The following CTNNA2 variants were observed in gnomAD, a reference collection of about 807,000 sequenced individuals.
The protein encoded by CTNNA2 is catenin alpha 2, also known as catenin alpha-2.
CTNNA2 carries 42 observed loss-of-function variants against 101.0 expected under a neutral mutation model. That is an observed-to-expected ratio of 0.42 (90% CI 0.32 to 0.54). CTNNA2 has a LOEUF of 0.54. CTNNA2 is among the 20% of genes least tolerant of loss of function. The pLI, the probability that CTNNA2 is intolerant of heterozygous loss-of-function variation, is 0.14. For missense variants in CTNNA2, 871 were observed against 1,223.1 expected, an observed-to-expected ratio of 0.71 and a Z score of 4.29; for synonymous variants, 450 against 456.4, an observed-to-expected ratio of 0.99 and a Z score of 0.18.
intron 7 of CTNNA2, among the ~76,000 whole-genome samples, chr2:80,312,895 A>G (rs529985145): frequency 6.6e-6 from 1 of 152,314 alleles, no homozygotes; most frequent in African/African-American, 2.4e-5. Flanking sequence ...AGACATGAGA[A>G]TTGCCACATA....
intron 11 of CTNNA2, among the ~76,000 whole-genome samples, chr2:80,546,331 G>A (rs1047179632): frequency 3.3e-5 from 5 of 152,164 alleles, no homozygotes; most frequent in African/African-American, 4.8e-5. Context: ...AGTTTATAAA[G>A]CAGGATGGCC....
Position 79,858,162 on chromosome 2 carries a change from T to C in CTNNA2, c.448T>C (p.Leu150=). ...LADMADVMRL[L]SHLKIVEEAL... ...GGACATGGCAGATGTCATGAGACTT[T>C]TATCCCATCTGAAAATTGTACGTAT... The change falls in exon 4 of 19, where the codon TTA becomes CTA. Residue 150 remains leucine (L), a synonymous_variant. Transcript: ENST00000402739. 6.2e-7 allele frequency: 1 copy of C among 1,612,238 alleles called. No individual in the cohort carries two copies. The highest frequency in any genetic ancestry group is 2.2e-5 in the East Asian group (1 of 44,790).
chr2:80,619,012 A>C, intron 17 of CTNNA2, 73 bp from the exon 18 acceptor site: 1 of 1,073,296 alleles, frequency 9.3e-7, no homozygotes, highest in African/African-American at 1.7e-5. Context: ...ATCCCTTCCC[A>C]AGTAGGGTAC....
At position 80,033,193 on chromosome 2, in the gene CTNNA2, AC is replaced by A. The variant is rs1292811398; in HGVS notation, c.1056+123397del. ...AAACACACAAAAACCCCCCAAAAAAACAACAACACAAAAACACATTAGCAAA... is the reference window on the plus strand; with the variant it reads ...AAACACACAAAAACCCCCCAAAAAAAAACAACACAAAAACACATTAGCAAA... On this transcript the variant is annotated intron_variant, in intron 7 of 18. Transcript: ENST00000402739. Among the ~76,000 whole-genome samples, 174 of 151,890 alleles carry A rather than the reference AC, an allele frequency of 1.1e-3. 1 individual carries two copies. Among genetic ancestry groups the A allele is most frequent in the African/African-American group, 4.0e-3 (165 of 41,414 alleles).
At chr2:80,276,881 A>G (rs909014728) in intron 7 of CTNNA2, among the ~76,000 whole-genome samples, 4 of 152,152 alleles carry the variant, frequency 2.6e-5, no homozygotes, top group African/African-American at 9.7e-5. Context: ...TAGAGAGGAC[A>G]AATATCCAAA....
In CTNNA2 at chr2:80,148,326, A is replaced by G. The variant is rs573906224; in HGVS notation, c.1056+238529A>G. Among the ~76,000 whole-genome samples the G allele has an allele frequency of 5.3e-5, 8 of 152,374 alleles. No individual in the cohort carries two copies. In the East Asian group the frequency reaches 1.5e-3, roughly 29 times the overall value. On this transcript the variant is annotated intron_variant, in intron 7 of 18. Coordinates refer to ENST00000402739, the MANE Select transcript of CTNNA2 (RefSeq NM_001282597.3). ...GCTGAGTACAGGGAAGTTGGGAAACATCATGTGAAAGACAAGGAACTGGAT... is the reference window on the plus strand; with the variant it reads ...GCTGAGTACAGGGAAGTTGGGAAACGTCATGTGAAAGACAAGGAACTGGAT...
intron 7 of CTNNA2, among the ~76,000 whole-genome samples, chr2:80,092,519 T>C (rs1699850998): frequency 6.6e-6 from 1 of 152,098 alleles, no homozygotes; most frequent in African/African-American, 2.4e-5. Context: ...GGTAAGAAAC[T>C]GGCAAGGTGT....
At chr2:79,837,860 T>C (rs1679507594) in intron 3 of CTNNA2, among the ~76,000 whole-genome samples, 1 of 152,196 alleles carries the variant, frequency 6.6e-6, no homozygotes, top group African/African-American at 2.4e-5. Flanking sequence ...ATCTATAATT[T>C]CATTGTTCAG....
chr2:80,409,383 A>C (rs1679357769), intron 8 of CTNNA2, among the ~76,000 whole-genome samples: 1 of 152,192 alleles, frequency 6.6e-6, no homozygotes, highest in Non-Finnish European at 1.5e-5. Flanking sequence ...CCTCCAATAC[A>C]TTTGACGGGA....
chr2:79,895,301 TAGAC>T (rs1421207744), intron 6 of CTNNA2, among the ~76,000 whole-genome samples: 4 of 152,306 alleles, frequency 2.6e-5, no homozygotes, highest in South Asian at 2.1e-4. Context: ...TGCTTAAAAA[TAGAC>T]AGAAGAAGAT....
chr2:80,631,009 C>T (rs1288305753), intron 18 of CTNNA2, among the ~76,000 whole-genome samples: 3 of 152,090 alleles, frequency 2.0e-5, no homozygotes, highest in Non-Finnish European at 4.4e-5. Flanking sequence ...AAAGATATAC[C>T]TTCGGTATAA....
rs139920365 is a variant in CTNNA2, at chr2:80,544,413, G to A, written c.1291-569G>A. Among the ~76,000 whole-genome samples, 17 of 151,922 alleles carry A rather than the reference G, an allele frequency of 1.1e-4. No individual in the cohort carries two copies. The East Asian group carries it at 2.0e-3, about 17-fold the overall frequency. Reference sequence around the variant, plus strand: ...CACATTGTAATTTACTATATATTCCGCCATTGTGTATTGAATGCTACGAGC... The same window carrying A: ...CACATTGTAATTTACTATATATTCCACCATTGTGTATTGAATGCTACGAGC... On this transcript the variant is annotated intron_variant, in intron 9 of 18. Transcript: ENST00000402739.
At chr2:79,908,688 A>T (rs998539351) in intron 6 of CTNNA2, among the ~76,000 whole-genome samples, 2 of 151,960 alleles carry the variant, frequency 1.3e-5, no homozygotes, top group Non-Finnish European at 2.9e-5. Flanking sequence ...TTCCTTTTTG[A>T]TTCTGGTCCT....
intron 12 of CTNNA2, chr2:80,573,404 G>A (rs1311805242): frequency 6.6e-6 from 1 of 152,104 alleles, no homozygotes; most frequent in Non-Finnish European, 1.5e-5. Flanking sequence ...CATCCGGGTG[G>A]TCCTGGTAAG....
At chr2:80,457,298 AG>A (rs532527679) in intron 9 of CTNNA2, among the ~76,000 whole-genome samples, 1 of 152,108 alleles carries the variant, frequency 6.6e-6, no homozygotes, top group Non-Finnish European at 1.5e-5. Context: ...TCCTGACCTC[AG>A]GTTTTCTGCC....
intron 7 of CTNNA2, among the ~76,000 whole-genome samples, chr2:80,095,171 A>T (rs1326236278): frequency 2.0e-5 from 3 of 152,220 alleles, no homozygotes; most frequent in Admixed American, 6.5e-5. Context: ...ATTTTGAGAT[A>T]TGTCCCATCA....
At chr2:79,838,580 T>C (rs1197249895) in intron 3 of CTNNA2, among the ~76,000 whole-genome samples, 1 of 152,136 alleles carries the variant, frequency 6.6e-6, no homozygotes, top group Non-Finnish European at 1.5e-5. Flanking sequence ...TTATAGGTAT[T>C]GATTCTCATG....
At chr2:79,735,088 A>G (rs1670774646) in intron 2 of CTNNA2, among the ~76,000 whole-genome samples, 1 of 152,090 alleles carries the variant, frequency 6.6e-6, no homozygotes, top group Non-Finnish European at 1.5e-5. Flanking sequence ...GTGGTGAGAG[A>G]GAGATGGACT....
intron 1 of CTNNA2, among the ~76,000 whole-genome samples, chr2:79,553,257 C>T (rs937937761): frequency 6.6e-6 from 1 of 152,168 alleles, no homozygotes; most frequent in Non-Finnish European, 1.5e-5. Context: ...CCATCTCTGT[C>T]CATATCACTA....
Sources: gnomAD v4.1 joint callset for allele counts (sites outside exome capture counted in the v4.1 genomes callset) on GRCh38, gnomAD v4.1.1 for gene constraint, MANE v1.5 for transcripts, NCBI Gene and HGNC (gene_info 2026-07-23, HGNC 2026-07-21) for gene names.